PHTF2: variants seen among roughly 807,000 people sequenced by gnomAD.
The protein encoded by PHTF2 is protein PHTF2.
In PHTF2, 60 loss-of-function variants were observed where a neutral mutation model predicts 101.2. That is an observed-to-expected ratio of 0.59 (90% CI 0.48 to 0.73). The LOEUF (loss-of-function observed/expected upper bound fraction) is 0.73. PHTF2 is among the 30% of genes least tolerant of loss of function. The probability of loss-of-function intolerance (pLI) is 0.00; values close to 1 mark genes in which losing one functional copy is unlikely to be tolerated. For missense variants in PHTF2, 747 were observed against 908.7 expected (o/e 0.82, Z 2.29); for synonymous variants, 311 against 307.3 (o/e 1.01, Z -0.13).
chr7:77,898,149 G>T (rs1221959718), intron 5 of PHTF2, among the ~76,000 whole-genome samples: 1 of 152,114 alleles, frequency 6.6e-6, no homozygotes, highest in East Asian at 1.9e-4. Context: ...AATAAACAAG[G>T]TCGATTAGAA....
intron 12 of PHTF2, among the ~76,000 whole-genome samples, 170 bp downstream of exon 11, chr7:77,929,497 A>G (rs1349503454): frequency 2.0e-5 from 3 of 152,118 alleles, no homozygotes; most frequent in African/African-American, 2.4e-5. Flanking sequence ...GAATCTCAGT[A>G]CTTATATTGT....
At chr7:77,834,156 T>TA (rs946105381) in intron 1 of PHTF2, among the ~76,000 whole-genome samples, 12 of 151,452 alleles carry the variant, frequency 7.9e-5, no homozygotes, top group African/African-American at 2.7e-4. Flanking sequence ...CTGCTAAAAT[T>TA]AAAAAAAATT....
At chr7:77,940,659 G>A (rs778999617) in exon 15 of PHTF2, 1 of 1,593,494 alleles carries the variant, frequency 6.3e-7, no homozygotes, top group East Asian at 2.3e-5. Flanking sequence ...CCTATCTTAA[G>A]GTAGAATGGG....
At chr7:77,896,280 A>G (rs532117686) in intron 5 of PHTF2, among the ~76,000 whole-genome samples, 62 of 152,288 alleles carry the variant, frequency 4.1e-4, no homozygotes, top group African/African-American at 1.4e-3. Flanking sequence ...CCATTAATCA[A>G]TTTATCTGGC....
At chr7:77,892,247 A>G (rs999850493) in intron 3 of PHTF2, among the ~76,000 whole-genome samples, 3 of 152,142 alleles carry the variant, frequency 2.0e-5, no homozygotes, top group African/African-American at 7.2e-5. Flanking sequence ...CCGAGATTGC[A>G]CCACTGTACT....
chr7:77,954,841 T>A lies in PHTF2; in HGVS notation c.2338-17T>A. On this transcript the variant is annotated splice_polypyrimidine_tract_variant and intron_variant, in intron 19 of 19. Coordinates refer to ENST00000416283, the Ensembl canonical transcript of PHTF2. ...ATTAAAACTGGCTTGTCACCACTTCTATTTTTTTTTTTCTAGCTATGGAAG... is the reference window on the plus strand; with the variant it reads ...ATTAAAACTGGCTTGTCACCACTTCAATTTTTTTTTTTCTAGCTATGGAAG... The A allele has an allele frequency of 7.0e-7, 1 of 1,425,930 alleles. No homozygotes were observed. The allele number at this position is 1,425,930 out of a possible 1,614,324, so 88.3% of individuals were successfully genotyped here. A position where few individuals can be genotyped will look rare whatever the true frequency, so the allele number is the denominator to read the frequency against.
intron 3 of PHTF2, among the ~76,000 whole-genome samples, chr7:77,859,501 A>T (rs1015913251): frequency 6.6e-5 from 10 of 151,490 alleles, no homozygotes; most frequent in African/African-American, 2.4e-4. Context: ...TTTAAAAAAA[A>T]TTTTTCATTC....
At chr7:77,905,695 G>T (rs949839387) in intron 7 of PHTF2, among the ~76,000 whole-genome samples, 39 of 151,394 alleles carry the variant, frequency 2.6e-4, no homozygotes, top group African/African-American at 9.5e-4. Context: ...GCAGGGTTTC[G>T]CCTTGTTGCC....
intron 3 of PHTF2, among the ~76,000 whole-genome samples, chr7:77,857,259 G>A (rs1417776897): frequency 1.3e-5 from 2 of 152,204 alleles, no homozygotes; most frequent in Non-Finnish European, 2.9e-5. Context: ...ATGTGTTACT[G>A]TATTGGAGAA....
At chr7:77,815,231 C>G (rs914514388) in intron 1 of PHTF2, among the ~76,000 whole-genome samples, 1 of 152,088 alleles carries the variant, frequency 6.6e-6, no homozygotes, top group African/African-American at 2.4e-5. Flanking sequence ...TGGGAACATG[C>G]GTGTTGGGAA....
At chr7:77,936,547 G>A (rs1010026465) in intron 12 of PHTF2, among the ~76,000 whole-genome samples, 6 of 151,896 alleles carry the variant, frequency 4.0e-5, no homozygotes, top group African/African-American at 7.2e-5. Flanking sequence ...GGTGGTGGGC[G>A]CCTATAGTCC....
intron 2 of PHTF2, among the ~76,000 whole-genome samples, chr7:77,851,571 G>A (rs1429581743): frequency 2.0e-5 from 3 of 147,342 alleles, no homozygotes; most frequent in African/African-American, 5.0e-5. Context: ...TGTATTTTTT[G>A]GTTTCGATTT....
chr7:77,934,735 G>GT (rs1804927495), intron 12 of PHTF2, among the ~76,000 whole-genome samples: 1 of 152,158 alleles, frequency 6.6e-6, no homozygotes, highest in Non-Finnish European at 1.5e-5. Flanking sequence ...ATTACTTGAG[G>GT]TCAGGAGTTC....
At chr7:77,880,208 G>A (rs1158480181) in intron 3 of PHTF2, among the ~76,000 whole-genome samples, 2 of 152,058 alleles carry the variant, frequency 1.3e-5, no homozygotes, top group African/African-American at 4.8e-5. Context: ...TATTCTCTGA[G>A]TATGCCATAA....
intron 1 of PHTF2, among the ~76,000 whole-genome samples, chr7:77,831,149 G>A (rs1055703850): frequency 3.0e-4 from 46 of 152,176 alleles, no homozygotes; most frequent in African/African-American, 1.1e-3. Context: ...TATCCAACAA[G>A]CCATGAAACC....
chr7:77,899,268 T>C (rs895471239), intron 5 of PHTF2, among the ~76,000 whole-genome samples: 2 of 151,908 alleles, frequency 1.3e-5, no homozygotes, highest in African/African-American at 4.8e-5. Flanking sequence ...TAAAGGACAC[T>C]GTTTACAGTA....
chr7:77,850,535 G>A (rs1291700450), intron 2 of PHTF2, among the ~76,000 whole-genome samples: 1 of 150,876 alleles, frequency 6.6e-6, no homozygotes, highest in East Asian at 1.9e-4. Context: ...GCAACTACTT[G>A]GGAGGTAGAG....
intron 1 of PHTF2, among the ~76,000 whole-genome samples, chr7:77,819,334 T>C (rs1212101346): frequency 6.6e-6 from 1 of 152,242 alleles, no homozygotes; most frequent in African/African-American, 2.4e-5. Flanking sequence ...GAAACACTTT[T>C]GGCTTTTTCC....
rs34150446 is a variant in PHTF2 at position 77,914,575 on chromosome 7, A to T, written c.776+4166A>T. Among the ~76,000 whole-genome samples, 1,504 of 152,238 alleles carry T rather than the reference A, an allele frequency of 9.9e-3. 11 individuals are homozygous for T. Among genetic ancestry groups the T allele is most frequent in the Middle Eastern group, 0.037 (11 of 294 alleles). On this transcript the variant is annotated intron_variant, in intron 9 of 19. Transcript: ENST00000416283. ...CTAGGAAAAGCCCCTAGTTGTCCCT[A>T]CAAGCTTCTTTAACACCCAGACCAG...
Sources: gnomAD v4.1 joint callset for allele counts (sites outside exome capture counted in the v4.1 genomes callset) on GRCh38, gnomAD v4.1.1 for gene constraint, MANE v1.5 for transcripts, NCBI Gene and HGNC (gene_info 2026-07-23, HGNC 2026-07-21) for gene names.